The following NRP2 variants were observed in gnomAD, a reference collection of about 807,000 sequenced individuals.
NRP2 encodes neuropilin-2.
A neutral mutation model predicts 110.4 loss-of-function variants in NRP2; 52 were observed. That is an observed-to-expected ratio of 0.47 (90% CI 0.38 to 0.59). The LOEUF is 0.59. Ranked by LOEUF, NRP2 falls within the 20% of genes least tolerant of loss-of-function variation. NRP2 has a pLI of 0.00. For missense variants in NRP2, 1,049 were observed against 1,203.0 expected (o/e 0.87, Z 1.89); for synonymous variants, 508 against 468.9 (o/e 1.08, Z -1.08).
intron 15 of NRP2, among the ~76,000 whole-genome samples, chr2:205,771,238 T>C (rs1377722365): frequency 6.6e-6 from 1 of 152,222 alleles, no homozygotes; most frequent in Non-Finnish European, 1.5e-5. Flanking sequence ...ACCATGCTCA[T>C]AAGGCAGATG....
At position 205,712,500 on chromosome 2, in the gene NRP2, C is replaced by A. The variant is rs577477513; in HGVS notation, c.252-3693C>A. On this transcript the variant is annotated intron_variant, in intron 2 of 16. Coordinates refer to ENST00000357785, the MANE Select transcript of NRP2 (RefSeq NM_003872.3). ...AACACTGGATATTAGACACTAGATG[C>A]AAAGCCGTATTTATTCCAAAGCCAG... Among the ~76,000 whole-genome samples, 4 of 152,284 alleles carry A rather than the reference C, an allele frequency of 2.6e-5. 1 individual carries two copies. Among genetic ancestry groups the A allele is most frequent in the South Asian group, 2.1e-4 (1 of 4,824 alleles).
rs995803725 is a variant in NRP2, at chr2:205,732,178, A to G, written c.1146+4132A>G. Among the ~76,000 whole-genome samples, 12 of 152,316 alleles carry G rather than the reference A, an allele frequency of 7.9e-5. No individual in the cohort carries two copies. In the East Asian group the frequency reaches 2.3e-3, roughly 29 times the overall value. On this transcript the variant is annotated intron_variant, in intron 7 of 16. Coordinates refer to ENST00000357785, the MANE Select transcript of NRP2 (RefSeq NM_003872.3). ...AGTTCTGCATGCAGGATGAGCCTGT[A>G]CATGGCTTAACCCACTAGGCTCATT...
chr2:205,758,125 A>G (rs1320995216), intron 12 of NRP2, among the ~76,000 whole-genome samples: 1 of 152,192 alleles, frequency 6.6e-6, no homozygotes, highest in Non-Finnish European at 1.5e-5. Flanking sequence ...AGTTTATCCA[A>G]AGTCAGTGTT....
intron 1 of NRP2, among the ~76,000 whole-genome samples, chr2:205,693,655 G>T (rs1183193139): frequency 2.6e-5 from 4 of 152,212 alleles, no homozygotes; most frequent in African/African-American, 9.6e-5. Context: ...AGAGTTGGGT[G>T]CCATCTCCCA....
chr2:205,741,488 G>A (rs1315216918), intron 8 of NRP2, among the ~76,000 whole-genome samples: 1 of 152,236 alleles, frequency 6.6e-6, no homozygotes, highest in Non-Finnish European at 1.5e-5. Context: ...TGAAACCCAA[G>A]GCATGTAGAT....
intron 12 of NRP2, among the ~76,000 whole-genome samples, chr2:205,758,510 C>A (rs1381006437): frequency 6.6e-6 from 1 of 152,140 alleles, no homozygotes; most frequent in Non-Finnish European, 1.5e-5. Flanking sequence ...TATCAAGAGA[C>A]CTTTCCAGAG....
At chr2:205,781,555 C>T (rs1028824722) in intron 15 of NRP2, among the ~76,000 whole-genome samples, 1 of 152,208 alleles carries the variant, frequency 6.6e-6, no homozygotes, top group African/African-American at 2.4e-5. Context: ...AACGTGTGGC[C>T]TTTCTGTAAT....
chr2:205,792,540 A>G (rs1004589453), intron 16 of NRP2, among the ~76,000 whole-genome samples: 2 of 152,314 alleles, frequency 1.3e-5, no homozygotes, highest in East Asian at 1.9e-4. Context: ...TTTTACCTGG[A>G]TGGACTTTGA....
intron 1 of NRP2, among the ~76,000 whole-genome samples, chr2:205,685,042 G>C (rs965778052): frequency 6.6e-6 from 1 of 152,192 alleles, no homozygotes; most frequent in Admixed American, 6.5e-5. Context: ...TGAAGACTCA[G>C]GGGCCATCTC....
At chr2:205,701,538 C>CAAAAAAAAAA (rs11448123) in intron 2 of NRP2, 1 of 129,096 alleles carries the variant, frequency 7.7e-6, no homozygotes. Flanking sequence ...GACTCTGTCT[C>CAAAAAAAAAA]AAAAAAAAAA....
intron 2 of NRP2, among the ~76,000 whole-genome samples, chr2:205,708,069 G>A (rs374474798): frequency 7.9e-5 from 12 of 152,306 alleles, no homozygotes; most frequent in East Asian, 1.9e-4. Context: ...TGCTGCTGCC[G>A]CTGAGAAAAA....
chr2:205,690,510 C>T (rs1250065082), intron 1 of NRP2, among the ~76,000 whole-genome samples: 1 of 151,028 alleles, frequency 6.6e-6, no homozygotes, highest in Non-Finnish European at 1.5e-5. Context: ...AGGAGGTGGG[C>T]AGATCACCTG....
intron 6 of NRP2, 62 bp downstream of exon 6, chr2:205,726,144 C>T (rs2057124355): frequency 2.6e-6 from 4 of 1,545,394 alleles, no homozygotes; most frequent in Admixed American, 3.4e-5. Flanking sequence ...AGGAGGGTAG[C>T]TCCTCAAATA....
intron 15 of NRP2, among the ~76,000 whole-genome samples, chr2:205,786,631 G>A (rs1470178641): frequency 5.3e-5 from 8 of 152,224 alleles, no homozygotes; most frequent in Non-Finnish European, 1.0e-4. Flanking sequence ...CTGTGTGTAA[G>A]AGGCTCTTCG....
chr2:205,787,724 G>C (rs78705407), intron 15 of NRP2, among the ~76,000 whole-genome samples: 10 of 108,928 alleles, frequency 9.2e-5, no homozygotes, highest in Admixed American at 1.7e-4. Context: ...GTGTCTGTGT[G>C]TGTGTGTGTG....
chr2:205,739,683 T>C (rs1334532893), intron 7 of NRP2, among the ~76,000 whole-genome samples: 1 of 39,092 alleles, frequency 2.6e-5, no homozygotes, highest in Non-Finnish European at 6.3e-5. Context: ...CTCTAGTTAC[T>C]TTTTTTTTTT....
intron 12 of NRP2, chr2:205,760,725 AG>A (rs1420295886): frequency 6.6e-6 from 1 of 152,196 alleles, no homozygotes; most frequent in Admixed American, 6.5e-5. Context: ...AGTAACAGGA[AG>A]GGTAAGTAGA....
intron 15 of NRP2, among the ~76,000 whole-genome samples, chr2:205,783,730 G>C (rs1378075597): frequency 6.6e-6 from 1 of 152,246 alleles, no homozygotes; most frequent in African/African-American, 2.4e-5. Flanking sequence ...GCGGGTGGAG[G>C]AGAAGCCCAG....
At chr2:205,765,849 A>G (rs1417382609) in intron 14 of NRP2, 3 of 533,806 alleles carry the variant, frequency 5.6e-6, no homozygotes, top group Admixed American at 2.4e-5. Context: ...CCCCTCAGCA[A>G]ACCCCAGCTT....
Sources: allele counts gnomAD v4.1 joint callset (sites outside exome capture counted in the v4.1 genomes callset), GRCh38; gene constraint gnomAD v4.1.1; transcripts MANE v1.5; gene names NCBI Gene and HGNC (gene_info 2026-07-23, HGNC 2026-07-21).